TMED10: variants seen among roughly 807,000 people sequenced by gnomAD.
TMED10 encodes the protein transmembrane emp24 domain-containing protein 10.
In TMED10, 7 loss-of-function variants were observed where a neutral mutation model predicts 23.1. That is an observed-to-expected ratio of 0.30 (90% CI 0.17 to 0.57). The LOEUF (loss-of-function observed/expected upper bound fraction) is 0.57. TMED10 is among the 20% of genes least tolerant of loss of function. TMED10 has a pLI of 0.91. For missense variants in TMED10, 162 were observed against 274.8 expected, an observed-to-expected ratio of 0.59 and a Z score of 2.90; for synonymous variants, 113 against 106.9, an observed-to-expected ratio of 1.06 and a Z score of -0.35.
chr14:75,145,038 T>G (rs1022459224), intron 3 of TMED10, among the ~76,000 whole-genome samples: 2 of 152,332 alleles, frequency 1.3e-5, no homozygotes, highest in East Asian at 3.9e-4. Flanking sequence ...GACTGTGTCA[T>G]AGCCATTCCT....
intron 1 of TMED10, among the ~76,000 whole-genome samples, chr14:75,164,568 TA>T (rs1896134306): frequency 6.4e-3 from 19 of 2,966 alleles, no homozygotes; most frequent in Non-Finnish European, 0.014. Context: ...TATATATATA[TA>T]TATATATATT....
intron 3 of TMED10, among the ~76,000 whole-genome samples, chr14:75,138,368 C>T (rs1895778910): frequency 6.6e-6 from 1 of 152,200 alleles, no homozygotes; most frequent in Non-Finnish European, 1.5e-5. Flanking sequence ...AAAATGTTGG[C>T]TAGAGTTAAC....
chr14:75,157,716 G>C (rs953171705), intron 1 of TMED10, among the ~76,000 whole-genome samples: 1 of 152,002 alleles, frequency 6.6e-6, no homozygotes, highest in Admixed American at 6.6e-5. Context: ...GAGGCGGGTG[G>C]ATCACCTGAG....
At position 75,131,898 on chromosome 14, in the gene TMED10, G is replaced by C. The variant is rs1352392881; in HGVS notation, c.*2987C>G. 6.6e-6 allele frequency: 1 copy of C among 152,318 alleles called. No individual in the cohort carries two copies. The highest frequency in any genetic ancestry group is 2.4e-5 in the African/African-American group (1 of 41,434). 9.4% of individuals were successfully genotyped at this position (152,318 alleles called of 1,614,324 possible). ...AACTCCTACAAAGCTTAAGTTTAGG[G>C]TCACACTTGGGAACAAAAGCATCAA... On this transcript the variant is annotated 3_prime_UTR_variant, in exon 5 of 5. Coordinates refer to ENST00000303575, the MANE Select transcript of TMED10 (RefSeq NM_006827.6).
chr14:75,176,219 C>A, intron 1 of TMED10, 136 bp downstream of exon 1: 2 of 1,096,498 alleles, frequency 1.8e-6, no homozygotes, highest in Non-Finnish European at 2.6e-6. Context: ...GGGCGGGCTC[C>A]ACCGCACGTC....
At chr14:75,166,785 T>C (rs1010501997) in intron 1 of TMED10, among the ~76,000 whole-genome samples, 2 of 152,200 alleles carry the variant, frequency 1.3e-5, no homozygotes, top group Non-Finnish European at 2.9e-5. Flanking sequence ...TATTGACCTG[T>C]TTCTAACCCA....
intron 1 of TMED10, among the ~76,000 whole-genome samples, chr14:75,164,571 A>ATTTTT (rs1896135085): frequency 4.7e-4 from 1 of 2,112 alleles, no homozygotes; most frequent in Non-Finnish European, 1.1e-3. Context: ...ATATATATAT[A>ATTTTT]TATATATTTT....
At chr14:75,150,814 C>G (rs552181463) in intron 2 of TMED10, among the ~76,000 whole-genome samples, 4 of 152,208 alleles carry the variant, frequency 2.6e-5, no homozygotes, top group Non-Finnish European at 5.9e-5. Context: ...TCAGCCTATC[C>G]TCTTAGCTGA....
At chr14:75,166,871 G>T (rs929848339) in intron 1 of TMED10, among the ~76,000 whole-genome samples, 2 of 152,002 alleles carry the variant, frequency 1.3e-5, no homozygotes, top group East Asian at 3.9e-4. Flanking sequence ...CATAAGTAAG[G>T]GTTCATGGGA....
chr14:75,174,476 G>C (rs1896274568), intron 1 of TMED10, among the ~76,000 whole-genome samples: 1 of 152,004 alleles, frequency 6.6e-6, no homozygotes, highest in South Asian at 2.1e-4. Flanking sequence ...GAAATTCCCT[G>C]AGTCCATGAA....
At chr14:75,149,119 A>G (rs761636597) in intron 2 of TMED10, among the ~76,000 whole-genome samples, 8 of 152,110 alleles carry the variant, frequency 5.3e-5, no homozygotes, top group Non-Finnish European at 1.2e-4. Flanking sequence ...GTCTCGCTAT[A>G]CTGTCCAGGC....
intron 1 of TMED10, among the ~76,000 whole-genome samples, chr14:75,157,458 C>A (rs568075599): frequency 1.3e-5 from 2 of 152,088 alleles, no homozygotes; most frequent in African/African-American, 4.8e-5. Context: ...TTGAGACCAG[C>A]CTGGGCAATA....
rs760799312 is a variant in TMED10, at chr14:75,135,767, A to G, written c.531T>C (p.Asp177=). ...YMKKREEEMR[D]TNESTNTRVL... is the part of the protein sequence containing the mutation. Reference sequence around the variant, plus strand: ...AGTCGCCTTCCCCCTCACCGTTGGTATCACGCATCTCCTCTTCTCTCTTCT... The same window carrying G: ...AGTCGCCTTCCCCCTCACCGTTGGTGTCACGCATCTCCTCTTCTCTCTTCT... The change falls in exon 4 of 5, where the codon GAT becomes GAC. Residue 177 remains aspartate, a synonymous_variant. Transcript: ENST00000303575. 3.1e-5 allele frequency: 50 copies of G among 1,613,652 alleles called. No homozygotes were observed. The highest frequency in any genetic ancestry group is 4.0e-5 in the Non-Finnish European group (47 of 1,179,930).
chr14:75,161,977 T>C (rs1025239034), intron 1 of TMED10, among the ~76,000 whole-genome samples: 2 of 151,074 alleles, frequency 1.3e-5, no homozygotes, highest in Non-Finnish European at 2.9e-5. Flanking sequence ...GAGCATCTTA[T>C]AGTGCCAGAA....
chr14:75,162,352 A>G (rs77645180), intron 1 of TMED10, among the ~76,000 whole-genome samples: 4,040 of 152,340 alleles, frequency 0.027, 177 homozygotes, highest in African/African-American at 0.091. Flanking sequence ...AGGGCTCCCA[A>G]TAGCTAAAGC....
chr14:75,132,436 T>C lies in TMED10; in HGVS notation c.*2449A>G, dbSNP rs1202593126. Reference sequence around the variant, plus strand: ...TTAAGGATGTATCTTAACCCACATATTATTTTCTCTACTTGGATGCATCCT... The same window carrying C: ...TTAAGGATGTATCTTAACCCACATACTATTTTCTCTACTTGGATGCATCCT... On this transcript the variant is annotated 3_prime_UTR_variant, in exon 5 of 5. Transcript: ENST00000303575. 7.0e-6 allele frequency: 1 copy of C among 143,198 alleles called. No individual in the cohort carries two copies. The highest frequency in any genetic ancestry group is 1.5e-5 in the Non-Finnish European group (1 of 66,126). The allele number at this position is 143,198 out of a possible 1,614,324, so 8.9% of individuals were successfully genotyped here. A position where few individuals can be genotyped will look rare whatever the true frequency, so the allele number is the denominator to read the frequency against.
At chr14:75,139,062 C>A in intron 3 of TMED10, 1 of 421,558 alleles carries the variant, frequency 2.4e-6, no homozygotes, top group Non-Finnish European at 4.7e-6. Context: ...AGAATATAAA[C>A]CAAAAGTCTA....
At chr14:75,138,206 T>C (rs1895776799) in intron 3 of TMED10, among the ~76,000 whole-genome samples, 1 of 152,246 alleles carries the variant, frequency 6.6e-6, no homozygotes, top group African/African-American at 2.4e-5. Context: ...AAATGTGTGA[T>C]GAACAAAAGT....
intron 3 of TMED10, among the ~76,000 whole-genome samples, chr14:75,139,666 C>A (rs1357214170): frequency 6.6e-6 from 1 of 151,806 alleles, no homozygotes; most frequent in African/African-American, 2.4e-5. Context: ...TATTGAATCC[C>A]ATCTTTCATC....
Sources: gnomAD v4.1 joint callset for allele counts (sites outside exome capture counted in the v4.1 genomes callset) on GRCh38, gnomAD v4.1.1 for gene constraint, MANE v1.5 for transcripts, NCBI Gene and HGNC (gene_info 2026-07-23, HGNC 2026-07-21) for gene names.